The following IFITM5 variants were observed in gnomAD, a reference collection of about 807,000 sequenced individuals.
The protein encoded by IFITM5 is interferon induced transmembrane protein 5, also known as interferon-induced transmembrane protein 5.
A neutral mutation model predicts 9.2 loss-of-function variants in IFITM5; 10 were observed. That is an observed-to-expected ratio of 1.09 (90% CI 0.67 to 1.85). The LOEUF (loss-of-function observed/expected upper bound fraction) is 1.85, where lower values mean the gene tolerates loss of function less well. IFITM5 is among the 40% of genes most tolerant of loss of function. IFITM5 has a pLI of 0.00. For missense variants in IFITM5, 225 were observed against 182.6 expected, an observed-to-expected ratio of 1.23 and a Z score of -1.34; for synonymous variants, 93 against 86.6, an observed-to-expected ratio of 1.07 and a Z score of -0.41.
At chr11:299,243 T>G (rs986568457) in intron 1 of IFITM5, 62 bp downstream of exon 1, 93 of 392,828 alleles carry the variant, frequency 2.4e-4, no homozygotes, top group East Asian at 4.1e-4. Flanking sequence ...TCCCTCCCCC[T>G]TCCCCCCACC....
chr11:299,501 G>A lies in IFITM5; in HGVS notation c.-11C>T, dbSNP rs573436645. 9.4e-5 allele frequency: 137 copies of A among 1,460,710 alleles called. No individual in the cohort carries two copies. In the East Asian group the frequency reaches 1.0e-3, roughly 11 times the overall value. 90.5% of individuals were successfully genotyped at this position (1,460,710 alleles called of 1,614,324 possible). A position where few individuals can be genotyped will look rare whatever the true frequency, so the allele number is the denominator to read the frequency against. On this transcript the variant is annotated 5_prime_UTR_variant, in exon 1 of 2. Coordinates refer to ENST00000382614, the MANE Select transcript of IFITM5 (RefSeq NM_001025295.3). ...ATACGCCGTGTCCATGGGTTCCAGC[G>A]CCGTCTCTTCCACACTCAGACTGGT...
At chr11:299,523 TGGTGCTGGGAGGGTGGGCACCC>T in exon 1 of IFITM5, 1 of 1,435,642 alleles carries the variant, frequency 7.0e-7, no homozygotes, top group African/African-American at 1.5e-5. Context: ...ACACTCAGAC[TGGTGCTGGGAGGGTGGGCACCC>T]GCTCACTTAT....
chr11:299,245 C>G (rs1845900944), intron 1 of IFITM5, 60 bp downstream of exon 1: 3 of 1,089,942 alleles, frequency 2.8e-6, no homozygotes, highest in African/African-American at 3.3e-5. Context: ...CCTCCCCCTT[C>G]CCCCCACCTT....
At chr11:299,219 C>G (rs11246058) in intron 1 of IFITM5, 86 bp downstream of exon 1, 4 of 1,037,258 alleles carry the variant, frequency 3.9e-6, no homozygotes, top group Non-Finnish European at 5.5e-6. Flanking sequence ...AAGGACCCCC[C>G]ACGGAGCTCC....
intron 1 of IFITM5, 59 bp from the exon 2 acceptor site, chr11:298,772 C>T (rs1213082284): frequency 1.3e-6 from 2 of 1,504,050 alleles, no homozygotes; most frequent in Admixed American, 1.9e-5. Flanking sequence ...CCTGGGGGCC[C>T]TTCCCCACCC....
rs748220375 is a variant in IFITM5, at chr11:298,479, C to T, written c.*22G>A. On this transcript the variant is annotated 3_prime_UTR_variant, in exon 2 of 2. Transcript: ENST00000382614. ...TGGGGTCAGTGTCCTGGGGCTAGTG[C>T]CCCAGATCAGGACCCAGCCTGTCAG... The T allele has an allele frequency of 8.1e-6, 13 of 1,602,788 alleles. No homozygotes were observed. Among genetic ancestry groups the T allele is most frequent in the Admixed American group, 3.4e-5 (2 of 58,674 alleles).
Position 298,622 on chromosome 11 carries a change from G to A in IFITM5, c.278C>T (p.Thr93Met), listed in dbSNP as rs141240817. Residue 93 changes from threonine (T) to methionine (M), a missense_variant, in exon 2 of 2, where the codon ACG (threonine) becomes ATG (methionine). By Grantham distance (81) the Thr-to-Met change is moderately conservative. Coordinates refer to ENST00000382614, the MANE Select transcript of IFITM5 (RefSeq NM_001025295.3). Reference sequence around the variant, plus strand: ...CAGGAGCAGCAGTGGCGGCACCAGCGTCCACATCGCGGCCAGGATGTTGTA... The same window carrying A: ...CAGGAGCAGCAGTGGCGGCACCAGCATCCACATCGCGGCCAGGATGTTGTA... ...KCYNILAAMW[T>M]LVPPLLLLGL... 921 of 1,613,516 alleles carry A rather than the reference G, an allele frequency of 5.7e-4. 6 individuals carry two copies. In the African/African-American group the frequency reaches 0.01, roughly 18 times the overall value.
At position 299,354 on chromosome 11, in the gene IFITM5, T is replaced by A; in HGVS notation, c.137A>T (p.Tyr46Phe). The A allele has an allele frequency of 1.2e-6, 2 of 1,600,468 alleles. No individual in the cohort carries two copies. The highest frequency in any genetic ancestry group is 8.5e-7 in the Non-Finnish European group (1 of 1,173,954). The change falls in exon 1 of 2, where the codon TAC (tyrosine) becomes TTC (phenylalanine). Residue 46 changes from tyrosine to phenylalanine, a missense_variant. By Grantham distance (22) the Tyr-to-Phe change is conservative. Coordinates refer to ENST00000382614, the MANE Select transcript of IFITM5 (RefSeq NM_001025295.3). ...GAAGCCGAGGCAACACAGATTCAGG[T>A]AGAGGGTGCTGAACACCGACCAGAT... ...HLIWSVFSTL[Y>F]LNLCCLGFLA...
intron 1 of IFITM5, 45 bp from the exon 2 acceptor site, chr11:298,758 G>C (rs2293745): frequency 1.9e-6 from 3 of 1,560,418 alleles, no homozygotes; most frequent in East Asian, 2.3e-5. Flanking sequence ...ATGTGTCCTC[G>C]GGGCCTGGGG....
chr11:298,569 G>C lies in IFITM5; in HGVS notation c.331C>G (p.Leu111Val). Residue 111 changes from leucine (L) to valine (V), a missense_variant, in exon 2 of 2, where the codon CTG (leucine) becomes GTG (valine). Leu to Val is a conservative substitution (Grantham distance 32). Coordinates refer to ENST00000382614, the MANE Select transcript of IFITM5 (RefSeq NM_001025295.3). ...LGLVVTGALH[L>V]ARLAKDSAAF... Reference sequence around the variant, plus strand: ...GCAGAGTCCTTGGCCAGCCGGGCCAGGTGCAGGGCACCAGTCACCACCAGC... The same window carrying C: ...GCAGAGTCCTTGGCCAGCCGGGCCACGTGCAGGGCACCAGTCACCACCAGC... The C allele has an allele frequency of 6.2e-7, 1 of 1,613,448 alleles. No individual in the cohort carries two copies. The highest frequency in any genetic ancestry group is 2.2e-5 in the East Asian group (1 of 44,880).
At position 299,421 on chromosome 11, in the gene IFITM5, G is replaced by A. The variant is rs1845904439; in HGVS notation, c.70C>T (p.Leu24Phe). 1.3e-6 allele frequency: 2 copies of A among 1,549,542 alleles called. No homozygotes were observed. Among genetic ancestry groups the A allele is most frequent in the South Asian group, 1.2e-5 (1 of 82,930 alleles). Residue 24 changes from leucine (L) to phenylalanine (F), a missense_variant, in exon 1 of 2, where the codon CTC becomes TTC. Leu to Phe is a conservative substitution (Grantham distance 22, BLOSUM62 0). Coordinates refer to ENST00000382614, the MANE Select transcript of IFITM5 (RefSeq NM_001025295.3). ...GGGGGGTGCGGGGCCCCCAGTGTGA[G>A]GGCTGTGTGGGCACCGGCCTTGCTG... ...TPSKAGAHTA[L>F]TLGAPHPPPR...
At chr11:299,224 A>G in intron 1 of IFITM5, 81 bp downstream of exon 1, 2 of 711,264 alleles carry the variant, frequency 2.8e-6, no homozygotes, top group East Asian at 3.4e-5. Flanking sequence ...CCCCCCACGG[A>G]GCTCCCCATC....
Position 298,297 on chromosome 11 carries a change from C to T in IFITM5, c.*204G>A, listed in dbSNP as rs557619000. 181 of 598,524 alleles carry T rather than the reference C, an allele frequency of 3.0e-4. 1 individual carries two copies. The highest frequency in any genetic ancestry group is 2.1e-3 in the African/African-American group (114 of 53,858). The allele number at this position is 598,524 out of a possible 1,614,324, so 37.1% of individuals were successfully genotyped here. A position where few individuals can be genotyped will look rare whatever the true frequency, so the allele number is the denominator to read the frequency against. On this transcript the variant is annotated 3_prime_UTR_variant, in exon 2 of 2. Coordinates refer to ENST00000382614, the MANE Select transcript of IFITM5 (RefSeq NM_001025295.3). ...GGCAGAGTTAGGGCCCGGGAACTCTCGGGTTAGGGTGAAGACCCCGGGGTC... is the reference window on the plus strand; with the variant it reads ...GGCAGAGTTAGGGCCCGGGAACTCTTGGGTTAGGGTGAAGACCCCGGGGTC...
At chr11:298,777 C>A (rs190604142) in intron 1 of IFITM5, 64 bp from the exon 2 acceptor site, 211 of 1,467,218 alleles carry the variant, frequency 1.4e-4, no homozygotes, top group Admixed American at 8.6e-4. Context: ...GGGCCCTTCC[C>A]CACCCACACC....
Position 298,213 on chromosome 11 carries a change from G to A in IFITM5, c.*288C>T, listed in dbSNP as rs541226162. ...GCCAGGAGGCACTTTCTGGAACCAGGCACTTTTAATCGTGGAACCGAGGGG... is the reference window on the plus strand; with the variant it reads ...GCCAGGAGGCACTTTCTGGAACCAGACACTTTTAATCGTGGAACCGAGGGG... On this transcript the variant is annotated 3_prime_UTR_variant, in exon 2 of 2. Coordinates refer to ENST00000382614, the MANE Select transcript of IFITM5 (RefSeq NM_001025295.3). 2.2e-6 allele frequency: 1 copy of A among 453,648 alleles called. No individual in the cohort carries two copies. The highest frequency in any genetic ancestry group is 4.0e-6 in the Non-Finnish European group (1 of 250,384). The allele number at this position is 453,648 out of a possible 1,614,324, so 28.1% of individuals were successfully genotyped here.
chr11:298,665 C>T lies in IFITM5; in HGVS notation c.235G>A (p.Gly79Ser). The stretch of plus-strand genomic sequence containing the variant: ...ATGTTGTAGCACTTGGCTTTGGAGC[C>T]AAAACGCCGGGCCGCTTCCAGGTCA... ...VGDLEAARRFGSKAKCYNILA... is the reference protein window; with the variant it reads ...VGDLEAARRFSSKAKCYNILA... Residue 79 changes from glycine (G) to serine (S), a missense_variant, in exon 2 of 2, where the codon GGC (glycine) becomes AGC (serine). Coordinates refer to ENST00000382614, the MANE Select transcript of IFITM5 (RefSeq NM_001025295.3). The T allele has an allele frequency of 6.2e-7, 1 of 1,613,682 alleles. No homozygotes were observed. Among genetic ancestry groups the T allele is most frequent in the Non-Finnish European group, 8.5e-7 (1 of 1,179,986 alleles).
rs768779464 is a variant in IFITM5 at position 298,710 on chromosome 11, G to T, written c.190C>A (p.Arg64=). The change falls in exon 2 of 2, where the codon CGA becomes AGA. Residue 64 remains arginine (R), a synonymous_variant. Transcript: ENST00000382614. ...AGGTCACCAACCACCTTCTGATCTCGGGCCTGCAGAGAGACCAGACCACAG... is the reference window on the plus strand; with the variant it reads ...AGGTCACCAACCACCTTCTGATCTCTGGCCTGCAGAGAGACCAGACCACAG... ...FLALAYSIKA[R]DQKVVGDLEA... is the part of the protein sequence containing the mutation. 2.5e-6 allele frequency: 4 copies of T among 1,613,122 alleles called. No homozygotes were observed. The highest frequency in any genetic ancestry group is 8.5e-7 in the Non-Finnish European group (1 of 1,179,772).
intron 1 of IFITM5, 90 bp downstream of exon 1, chr11:299,215 C>A: frequency 9.2e-7 from 1 of 1,087,598 alleles, no homozygotes; most frequent in Non-Finnish European, 1.3e-6. Context: ...CGGCAAGGAC[C>A]CCCCACGGAG....
Position 299,139 on chromosome 11 carries a change from G to C in IFITM5, c.186+166C>G, listed in dbSNP as rs557775145. ...TGCCTTCGTGAGGAGCTCTTTCCCG[G>C]CCATACTGATAGCTGTGCCCACAGA... is the stretch of plus-strand genomic sequence containing the variant. On this transcript the variant is annotated intron_variant, in intron 1 of 1. Coordinates refer to ENST00000382614, the MANE Select transcript of IFITM5 (RefSeq NM_001025295.3). Among the ~76,000 whole-genome samples, 9 of 151,420 alleles carry C rather than the reference G, an allele frequency of 5.9e-5. No homozygotes were observed. In the South Asian group the frequency reaches 1.7e-3, roughly 28 times the overall value.
Sources: gnomAD v4.1 joint callset for allele counts (sites outside exome capture counted in the v4.1 genomes callset) on GRCh38, gnomAD v4.1.1 for gene constraint, MANE v1.5 for transcripts, NCBI Gene and HGNC (gene_info 2026-07-23, HGNC 2026-07-21) for gene names.